Variants in DCBLD1 observed in about 807,000 individuals in gnomAD.
DCBLD1 encodes the protein discoidin, CUB and LCCL domain containing 1.
DCBLD1 carries 57 observed loss-of-function variants against 71.5 expected under a neutral mutation model. That is an observed-to-expected ratio of 0.80 (90% CI 0.64 to 0.99). The LOEUF (loss-of-function observed/expected upper bound fraction) is 0.99. DCBLD1 is among the 50% of genes least tolerant of loss of function. The pLI is 0.00. For missense variants in DCBLD1, 891 were observed against 923.5 expected (o/e 0.96, Z 0.46); for synonymous variants, 380 against 363.8 (o/e 1.04, Z -0.51).
At chr6:117,510,760 C>T (rs1165345467) in intron 2 of DCBLD1, among the ~76,000 whole-genome samples, 1 of 151,944 alleles carries the variant, frequency 6.6e-6, no homozygotes, top group African/African-American at 2.4e-5. Context: ...ACTAAGATTC[C>T]TCTATAAACA....
At chr6:117,505,544 G>A (rs1367122876) in intron 2 of DCBLD1, among the ~76,000 whole-genome samples, 5 of 152,140 alleles carry the variant, frequency 3.3e-5, no homozygotes, top group African/African-American at 9.7e-5. Context: ...ACTCTGTCAC[G>A]TCAGAGGCTG....
intron 4 of DCBLD1, 29 bp downstream of exon 4, chr6:117,521,605 A>T: frequency 6.5e-7 from 1 of 1,534,350 alleles, no homozygotes; most frequent in Non-Finnish European, 8.8e-7. Flanking sequence ...ACTGTGTTGC[A>T]GTCGTGTATT....
chr6:117,528,732 A>C (rs1778621526), intron 5 of DCBLD1, among the ~76,000 whole-genome samples: 1 of 152,218 alleles, frequency 6.6e-6, no homozygotes, highest in Non-Finnish European at 1.5e-5. Flanking sequence ...TTACATTTAC[A>C]TTATTCTGTT....
At chr6:117,525,293 T>C in intron 4 of DCBLD1, 69 bp from the exon 5 acceptor site, 1 of 1,214,722 alleles carries the variant, frequency 8.2e-7, no homozygotes, top group Non-Finnish European at 1.1e-6. Context: ...TTTAAAAATT[T>C]AAGTACAGTT....
intron 14 of DCBLD1, 125 bp downstream of exon 14, chr6:117,545,722 GT>G (rs1257685895): frequency 7.4e-7 from 1 of 1,355,626 alleles, no homozygotes; most frequent in Admixed American, 2.4e-5. Flanking sequence ...TCTGAAATGT[GT>G]TTTTTCTGCA....
intron 14 of DCBLD1, among the ~76,000 whole-genome samples, chr6:117,565,893 T>C (rs947133203): frequency 1.3e-5 from 2 of 152,196 alleles, no homozygotes; most frequent in Non-Finnish European, 2.9e-5. Context: ...TTATGTACTT[T>C]CCCTTGAAAC....
intron 1 of DCBLD1, among the ~76,000 whole-genome samples, chr6:117,487,106 A>T (rs758641188): frequency 3.5e-4 from 53 of 152,120 alleles, no homozygotes; most frequent in South Asian, 1.0e-3. Context: ...GTTGCCAAAA[A>T]GGTTGGTGAC....
intron 14 of DCBLD1, among the ~76,000 whole-genome samples, chr6:117,568,136 G>A (rs1325885839): frequency 1.3e-5 from 2 of 151,974 alleles, no homozygotes; most frequent in Non-Finnish European, 2.9e-5. Context: ...GGAGGTTGAG[G>A]CTGCAGTGGT....
chr6:117,502,527 G>A (rs1489705749), intron 1 of DCBLD1, among the ~76,000 whole-genome samples: 1 of 152,128 alleles, frequency 6.6e-6, no homozygotes, highest in Non-Finnish European at 1.5e-5. Flanking sequence ...AGAAGGAAGT[G>A]GAATAAAGGA....
At chr6:117,557,797 G>C (rs182433470) in intron 14 of DCBLD1, among the ~76,000 whole-genome samples, 4 of 152,256 alleles carry the variant, frequency 2.6e-5, no homozygotes, top group Admixed American at 2.6e-4. Flanking sequence ...ATAAAATTCA[G>C]TTCTAGGAGT....
Position 117,548,083 on chromosome 6 carries a change from C to T in DCBLD1, c.1792C>T (p.Pro598Ser), listed in dbSNP as rs1469779398. The T allele has an allele frequency of 1.9e-6, 3 of 1,549,034 alleles. No homozygotes were observed. In the African/African-American group the frequency reaches 4.1e-5, roughly 21 times the overall value. Residue 598 changes from proline (P) to serine (S), a missense_variant, in exon 15 of 15, where the codon CCC (proline) becomes TCC (serine). Transcript: ENST00000338728. ...CGCGCTGCCCCTGGCGCCCCCGGAGCCCGAGTACGCCACGCCCATCGTGGA... is the reference window on the plus strand; with the variant it reads ...CGCGCTGCCCCTGGCGCCCCCGGAGTCCGAGTACGCCACGCCCATCGTGGA... ...EYALPLAPPE[P>S]EYATPIVERH...
intron 1 of DCBLD1, among the ~76,000 whole-genome samples, chr6:117,498,291 G>A (rs570383385): frequency 3.9e-5 from 6 of 152,278 alleles, no homozygotes; most frequent in Middle Eastern, 3.4e-3. Flanking sequence ...CAGGATTTAG[G>A]CCCATTACAG....
chr6:117,556,367 C>T (rs1779495762), intron 14 of DCBLD1, among the ~76,000 whole-genome samples: 1 of 152,154 alleles, frequency 6.6e-6, no homozygotes, highest in African/African-American at 2.4e-5. Flanking sequence ...CCTCACCCAC[C>T]TCCCACCTTC....
At chr6:117,562,031 A>G (rs531483614) in intron 14 of DCBLD1, 1 of 206,156 alleles carries the variant, frequency 4.9e-6, no homozygotes, top group Non-Finnish European at 9.9e-6. Flanking sequence ...TAAAACAGTG[A>G]TATTAGCAAA....
At chr6:117,525,835 C>T (rs1273169286) in intron 5 of DCBLD1, among the ~76,000 whole-genome samples, 2 of 152,196 alleles carry the variant, frequency 1.3e-5, no homozygotes, top group East Asian at 3.8e-4. Flanking sequence ...AAGCCATCCA[C>T]CCTGCTCTTA....
At chr6:117,494,337 A>G (rs1458601646) in intron 1 of DCBLD1, among the ~76,000 whole-genome samples, 1 of 152,196 alleles carries the variant, frequency 6.6e-6, no homozygotes, top group Non-Finnish European at 1.5e-5. Context: ...CAATATCAAT[A>G]TTACACTTTA....
In DCBLD1 at chr6:117,500,291, A is replaced by G. The variant is rs138980351; in HGVS notation, c.113-3476A>G. Among the ~76,000 whole-genome samples the G allele has an allele frequency of 5.7e-3, 866 of 152,366 alleles. 7 individuals are homozygous for G. Among genetic ancestry groups the G allele is most frequent in the African/African-American group, 0.02 (818 of 41,582 alleles). On this transcript the variant is annotated intron_variant, in intron 1 of 14. Coordinates refer to ENST00000338728, the MANE Select transcript of DCBLD1 (RefSeq NM_001366458.2). ...TACTTCCATAGGTTAGAGTGATACTAGAACTTCTGATGACAGTTCGCTTTT... is the reference window on the plus strand; with the variant it reads ...TACTTCCATAGGTTAGAGTGATACTGGAACTTCTGATGACAGTTCGCTTTT...
chr6:117,531,997 G>T (rs1290025610), intron 5 of DCBLD1, among the ~76,000 whole-genome samples: 2 of 152,182 alleles, frequency 1.3e-5, no homozygotes, highest in Non-Finnish European at 2.9e-5. Flanking sequence ...CCATCATATG[G>T]CAGGTTAACT....
intron 14 of DCBLD1, among the ~76,000 whole-genome samples, chr6:117,556,306 G>T (rs919506868): frequency 1.3e-5 from 2 of 152,118 alleles, no homozygotes; most frequent in African/African-American, 4.8e-5. Context: ...GGCTTTTAGT[G>T]TAACCATCAC....
Sources: gnomAD v4.1 joint callset for allele counts (sites outside exome capture counted in the v4.1 genomes callset) on GRCh38, gnomAD v4.1.1 for gene constraint, MANE v1.5 for transcripts, NCBI Gene and HGNC (gene_info 2026-07-23, HGNC 2026-07-21) for gene names.